The following SYT9 variants were observed in gnomAD, a reference collection of about 807,000 sequenced individuals.
SYT9 encodes synaptotagmin 9, also known as synaptotagmin-9.
SYT9 carries 22 observed loss-of-function variants against 48.4 expected under a neutral mutation model. That is an observed-to-expected ratio of 0.45 (90% confidence interval 0.32 to 0.65). The LOEUF is 0.65. Ranked by LOEUF, SYT9 falls within the 30% of genes least tolerant of loss-of-function variation. SYT9 has a pLI of 0.03. For missense variants in SYT9, 577 were observed against 622.0 expected (o/e 0.93, Z 0.77); for synonymous variants, 265 against 245.0 (o/e 1.08, Z -0.76).
intron 3 of SYT9, among the ~76,000 whole-genome samples, chr11:7,379,700 C>G (rs1850524870): frequency 6.6e-6 from 1 of 152,084 alleles, no homozygotes; most frequent in South Asian, 2.1e-4. Flanking sequence ...CTTATGTAAT[C>G]CTGACCCTCT....
chr11:7,357,919 G>T (rs1850052833), intron 3 of SYT9, among the ~76,000 whole-genome samples: 1 of 151,912 alleles, frequency 6.6e-6, no homozygotes, highest in Non-Finnish European at 1.5e-5. Flanking sequence ...TTTCTCCATT[G>T]ATTTAAGTGC....
chr11:7,412,091 T>G (rs1847147158), intron 3 of SYT9, among the ~76,000 whole-genome samples: 1 of 152,224 alleles, frequency 6.6e-6, no homozygotes, highest in Non-Finnish European at 1.5e-5. Flanking sequence ...GATGAATTCT[T>G]TTCCAATTTT....
At chr11:7,345,636 T>C (rs532959891) in intron 3 of SYT9, among the ~76,000 whole-genome samples, 7 of 152,318 alleles carry the variant, frequency 4.6e-5, no homozygotes, top group East Asian at 1.9e-4. Context: ...TTTTAACATA[T>C]TCAGTTTGTG....
chr11:7,455,591 C>T (rs531653684), intron 6 of SYT9, among the ~76,000 whole-genome samples: 1 of 152,136 alleles, frequency 6.6e-6, no homozygotes, highest in East Asian at 1.9e-4. Context: ...CCACCCACCT[C>T]GGCCTCCCAA....
At chr11:7,343,107 C>G (rs116368725) in intron 3 of SYT9, among the ~76,000 whole-genome samples, 1,652 of 152,292 alleles carry the variant, frequency 0.011, 27 homozygotes, top group African/African-American at 0.038. Flanking sequence ...GGCCTCTAGG[C>G]CTGTGATGGG....
rs549615347 is a variant in SYT9 at position 7,367,063 on chromosome 11, G to A, written c.1045-48979G>A. On this transcript the variant is annotated intron_variant, in intron 3 of 6. Coordinates refer to ENST00000318881, the MANE Select transcript of SYT9 (RefSeq NM_175733.4). ...CCTCTTATCATTACCCTTCTTTCCA[G>A]GAGACCATCTTTTTTTTTTTTTTTT... Among the ~76,000 whole-genome samples the A allele has an allele frequency of 2.1e-5, 3 of 144,660 alleles. No individual in the cohort carries two copies. The East Asian group carries it at 6.0e-4, about 29-fold the overall frequency. 94.9% of individuals were successfully genotyped at this position (144,660 alleles called of 152,430 possible).
chr11:7,383,855 C>T (rs757031674), intron 3 of SYT9, among the ~76,000 whole-genome samples: 4 of 152,050 alleles, frequency 2.6e-5, no homozygotes, highest in Non-Finnish European at 4.4e-5. Flanking sequence ...CTAGGCTGCA[C>T]GAGTTTTTAA....
chr11:7,350,968 G>C (rs923467155), intron 3 of SYT9, among the ~76,000 whole-genome samples: 3 of 152,172 alleles, frequency 2.0e-5, no homozygotes, highest in African/African-American at 7.2e-5. Flanking sequence ...AGTGAGATTA[G>C]GCGTGAAGTA....
At chr11:7,281,795 A>C (rs921903222) in intron 1 of SYT9, among the ~76,000 whole-genome samples, 1 of 152,208 alleles carries the variant, frequency 6.6e-6, no homozygotes, top group Non-Finnish European at 1.5e-5. Flanking sequence ...AATAAGCTAT[A>C]TACTTCTAGT....
intron 3 of SYT9, among the ~76,000 whole-genome samples, chr11:7,359,975 AT>A (rs1186879861): frequency 6.6e-6 from 1 of 151,468 alleles, no homozygotes; most frequent in Non-Finnish European, 1.5e-5. Flanking sequence ...TAGGGTTTTT[AT>A]GGTTTTAGGT....
chr11:7,312,592 T>G (rs560515158), intron 2 of SYT9, among the ~76,000 whole-genome samples: 1 of 152,228 alleles, frequency 6.6e-6, no homozygotes, highest in Non-Finnish European at 1.5e-5. Flanking sequence ...CCAATACACT[T>G]ACAGGGTGAA....
intron 2 of SYT9, among the ~76,000 whole-genome samples, chr11:7,304,888 T>C (rs764157573): frequency 2.7e-4 from 41 of 152,218 alleles, no homozygotes; most frequent in Non-Finnish European, 5.0e-4. Context: ...TCCATTGAAA[T>C]TTCCATTGAA....
At chr11:7,353,661 C>T (rs1849961516) in intron 3 of SYT9, among the ~76,000 whole-genome samples, 1 of 152,192 alleles carries the variant, frequency 6.6e-6, no homozygotes, top group Non-Finnish European at 1.5e-5. Context: ...CATTGTACTT[C>T]TTGCTAGCCA....
Position 7,381,245 on chromosome 11 carries a change from A to G in SYT9, c.1045-34797A>G, listed in dbSNP as rs989575313. Among the ~76,000 whole-genome samples the G allele has an allele frequency of 3.3e-5, 5 of 152,282 alleles. No homozygotes were observed. The South Asian group carries it at 6.2e-4, about 19-fold the overall frequency. Reference sequence around the variant, plus strand: ...AACAGCTCCCTAATATGTGAGTCCAATAGCCTAAGTTAAAAAAAAGGAGGT... The same window carrying G: ...AACAGCTCCCTAATATGTGAGTCCAGTAGCCTAAGTTAAAAAAAAGGAGGT... On this transcript the variant is annotated intron_variant, in intron 3 of 6. Transcript: ENST00000318881.
intron 3 of SYT9, among the ~76,000 whole-genome samples, chr11:7,360,571 C>T (rs1008966600): frequency 2.6e-5 from 4 of 151,836 alleles, no homozygotes; most frequent in African/African-American, 9.7e-5. Flanking sequence ...CCTTCACGTC[C>T]CTTGTAAGGT....
At chr11:7,361,381 G>T (rs1397281342) in intron 3 of SYT9, among the ~76,000 whole-genome samples, 2 of 152,026 alleles carry the variant, frequency 1.3e-5, no homozygotes, top group African/African-American at 4.8e-5. Flanking sequence ...AGTGAATTTT[G>T]GTCGTAGAAC....
At chr11:7,434,405 G>A (rs144156783) in intron 6 of SYT9, among the ~76,000 whole-genome samples, 65 of 152,272 alleles carry the variant, frequency 4.3e-4, no homozygotes, top group African/African-American at 1.5e-3. Flanking sequence ...GCAGGGATTA[G>A]GGTGGGCTTC....
At position 7,293,275 on chromosome 11, in the gene SYT9, A is replaced by C. The variant is rs371699905; in HGVS notation, c.146-9764A>C. Among the ~76,000 whole-genome samples, 19 of 152,214 alleles carry C rather than the reference A, an allele frequency of 1.2e-4. No homozygotes were observed. The East Asian group carries it at 3.5e-3, about 28-fold the overall frequency. On this transcript the variant is annotated intron_variant, in intron 1 of 6. Coordinates refer to ENST00000318881, the MANE Select transcript of SYT9 (RefSeq NM_175733.4). ...TGTTCTTCCCTCTGTGTCAGTCACA[A>C]AAAAAAATTGCATTTAATGCCATTT...
intron 6 of SYT9, chr11:7,457,533 CA>C (rs1396910475): frequency 6.6e-6 from 1 of 152,198 alleles, no homozygotes; most frequent in Non-Finnish European, 1.5e-5. Flanking sequence ...TTCTATCTTA[CA>C]ACTTGTAAAA....
Sources: allele counts gnomAD v4.1 joint callset (sites outside exome capture counted in the v4.1 genomes callset), GRCh38; gene constraint gnomAD v4.1.1; transcripts MANE v1.5; gene names NCBI Gene and HGNC (gene_info 2026-07-23, HGNC 2026-07-21).